EYA4: variants seen among roughly 807,000 people sequenced by gnomAD.
EYA4 encodes the protein protein phosphatase EYA4.
Under a neutral mutation model 87.9 loss-of-function variants are expected in EYA4, and 31 were observed. The observed-to-expected ratio is 0.35, with a 90% CI of 0.27 to 0.48. EYA4 has a LOEUF of 0.48. Among genes scored for constraint, EYA4 ranks in the 20% least tolerant of loss-of-function variants. The pLI, the probability that EYA4 is intolerant of heterozygous loss-of-function variation, is 0.99. For missense variants in EYA4, 678 were observed against 761.4 expected, an observed-to-expected ratio of 0.89 and a Z score of 1.29; for synonymous variants, 263 against 270.6, an observed-to-expected ratio of 0.97 and a Z score of 0.28.
At chr6:133,504,061 G>A (rs1798376989) in intron 13 of EYA4, among the ~76,000 whole-genome samples, 1 of 152,108 alleles carries the variant, frequency 6.6e-6, no homozygotes, top group South Asian at 2.1e-4. Context: ...GGGATTACAA[G>A]CACACACCAC....
At chr6:133,354,244 G>A (rs1268641183) in intron 2 of EYA4, among the ~76,000 whole-genome samples, 1 of 152,108 alleles carries the variant, frequency 6.6e-6, no homozygotes, top group Non-Finnish European at 1.5e-5. Flanking sequence ...TCTTGAGTAA[G>A]TCTTATATAA....
At chr6:133,365,486 T>G (rs927996391) in intron 2 of EYA4, among the ~76,000 whole-genome samples, 1 of 152,094 alleles carries the variant, frequency 6.6e-6, no homozygotes, top group African/African-American at 2.4e-5. Flanking sequence ...TTTTATTACT[T>G]ACATTTCCCA....
intron 1 of EYA4, among the ~76,000 whole-genome samples, chr6:133,244,554 C>T (rs1388974169): frequency 4.0e-5 from 6 of 150,858 alleles, no homozygotes; most frequent in South Asian, 2.1e-4. Context: ...TCTTTTTTGA[C>T]GGGTGACTGG....
intron 3 of EYA4, among the ~76,000 whole-genome samples, chr6:133,408,050 T>G (rs2128531100): frequency 1.3e-5 from 2 of 152,368 alleles, no homozygotes; most frequent in South Asian, 4.1e-4. Context: ...TTTCCTGAAC[T>G]ATAATACATA....
intron 1 of EYA4, among the ~76,000 whole-genome samples, chr6:133,245,946 C>G (rs1052739346): frequency 6.6e-6 from 1 of 152,142 alleles, no homozygotes; most frequent in Non-Finnish European, 1.5e-5. Flanking sequence ...TAGTGTTTCT[C>G]CATCCATCTT....
At chr6:133,444,827 A>G (rs1191281299) in intron 3 of EYA4, among the ~76,000 whole-genome samples, 1 of 152,196 alleles carries the variant, frequency 6.6e-6, no homozygotes, top group Non-Finnish European at 1.5e-5. Flanking sequence ...GTAGCACAGT[A>G]TGCTGATATT....
chr6:133,311,428 C>A (rs570546591), intron 2 of EYA4, among the ~76,000 whole-genome samples: 1 of 152,112 alleles, frequency 6.6e-6, no homozygotes, highest in Non-Finnish European at 1.5e-5. Flanking sequence ...CAGACCCAAG[C>A]AATCCTCCCA....
rs1261690904 is a variant in EYA4 at position 133,356,781 on chromosome 6, GTGTGTGTGTGTATA to G, written c.34-25609_34-25596del. Among the ~76,000 whole-genome samples the G allele has an allele frequency of 4.2e-4, 53 of 126,242 alleles. 1 individual carries two copies. The highest frequency in any genetic ancestry group is 1.6e-3 in the African/African-American group (52 of 32,304). The allele number at this position is 126,242 out of a possible 152,430, so 82.8% of individuals were successfully genotyped here. Reference sequence around the variant, plus strand: ...TGTGTGTGTGTGTGTGTGTGTGTGTGTGTGTGTGTGTATATATATATTTTATTTTTATTTTTTTT... The same window carrying G: ...TGTGTGTGTGTGTGTGTGTGTGTGTGTATATATTTTATTTTTATTTTTTTT... On this transcript the variant is annotated intron_variant, in intron 2 of 19. Transcript: ENST00000355286.
chr6:133,343,395 C>G (rs1782945567), intron 2 of EYA4, among the ~76,000 whole-genome samples: 1 of 152,200 alleles, frequency 6.6e-6, no homozygotes, highest in East Asian at 1.9e-4. Flanking sequence ...AATGCTTTCT[C>G]TTGCTCCACT....
chr6:133,497,116 TCCCATCA>T (rs996918640), intron 13 of EYA4, among the ~76,000 whole-genome samples: 2 of 152,268 alleles, frequency 1.3e-5, no homozygotes, highest in African/African-American at 4.8e-5. Flanking sequence ...CATTAGCTTT[TCCCATCA>T]CCCTGTGTGA....
intron 5 of EYA4, among the ~76,000 whole-genome samples, chr6:133,454,324 C>T (rs1793723339): frequency 6.6e-6 from 1 of 152,188 alleles, no homozygotes; most frequent in Non-Finnish European, 1.5e-5. Context: ...AATGTTAGAA[C>T]TCAATTGTAA....
chr6:133,500,353 A>T (rs910548622), intron 13 of EYA4, among the ~76,000 whole-genome samples: 1 of 151,864 alleles, frequency 6.6e-6, no homozygotes, highest in African/African-American at 2.4e-5. Flanking sequence ...AGTCCTCCTT[A>T]TGTACCACTA....
intron 3 of EYA4, among the ~76,000 whole-genome samples, chr6:133,414,889 G>A (rs1789573388): frequency 2.6e-5 from 4 of 152,142 alleles, no homozygotes; most frequent in African/African-American, 9.7e-5. Context: ...GACGTTATAT[G>A]TCAGTTATGG....
At chr6:133,417,186 A>G (rs1042160479) in intron 3 of EYA4, among the ~76,000 whole-genome samples, 1 of 152,142 alleles carries the variant, frequency 6.6e-6, no homozygotes, top group Non-Finnish European at 1.5e-5. Context: ...TGATGGGGTA[A>G]TTAAAGGCCA....
intron 2 of EYA4, among the ~76,000 whole-genome samples, chr6:133,347,346 A>T (rs1219282472): frequency 6.6e-6 from 1 of 152,116 alleles, no homozygotes. Flanking sequence ...GAGGAAGGGT[A>T]ATTATCCTTT....
chr6:133,262,207 A>C (rs772325375), intron 1 of EYA4, among the ~76,000 whole-genome samples: 1 of 152,222 alleles, frequency 6.6e-6, no homozygotes, highest in Non-Finnish European at 1.5e-5. Context: ...TATACTCTTG[A>C]TCAAAAAAGA....
At chr6:133,315,456 A>G (rs1780550315) in intron 2 of EYA4, among the ~76,000 whole-genome samples, 1 of 152,300 alleles carries the variant, frequency 6.6e-6, no homozygotes, top group East Asian at 1.9e-4. Flanking sequence ...TTTGTGGGAC[A>G]TTATTAAGCA....
chr6:133,479,210 G>A (rs903810657), intron 11 of EYA4, among the ~76,000 whole-genome samples: 1 of 152,078 alleles, frequency 6.6e-6, no homozygotes, highest in Non-Finnish European at 1.5e-5. Flanking sequence ...TTAAAAGTTG[G>A]TGTATGTTCA....
intron 2 of EYA4, among the ~76,000 whole-genome samples, chr6:133,308,381 A>G (rs1019842684): frequency 1.3e-5 from 2 of 152,232 alleles, no homozygotes; most frequent in Non-Finnish European, 2.9e-5. Flanking sequence ...CAAATTCAGT[A>G]ATTAAAAAAA....
Sources: gnomAD v4.1 joint callset for allele counts (sites outside exome capture counted in the v4.1 genomes callset) on GRCh38, gnomAD v4.1.1 for gene constraint, MANE v1.5 for transcripts, NCBI Gene and HGNC (gene_info 2026-07-23, HGNC 2026-07-21) for gene names.